PRKCA: variants seen among roughly 807,000 people sequenced by gnomAD.
PRKCA encodes protein kinase C alpha.
A neutral mutation model predicts 87.0 loss-of-function variants in PRKCA; 27 were observed. The ratio of observed to expected loss-of-function variants is 0.31; its 90% CI spans 0.23 to 0.43. The LOEUF is 0.43. Among genes scored for constraint, PRKCA ranks in the 20% least tolerant of loss-of-function variants. The pLI, the probability that PRKCA is intolerant of heterozygous loss-of-function variation, is 1.00. For missense variants in PRKCA, 518 were observed against 852.3 expected (o/e 0.61, Z 4.88); for synonymous variants, 329 against 311.1 (o/e 1.06, Z -0.61).
intron 13 of PRKCA, among the ~76,000 whole-genome samples, chr17:66,764,000 C>A (rs1290638126): frequency 6.6e-6 from 1 of 152,166 alleles, no homozygotes; most frequent in Admixed American, 6.5e-5. Flanking sequence ...GTCTAGGGAA[C>A]CCCACTGGAT....
chr17:66,545,466 T>G (rs1029620054), intron 3 of PRKCA, among the ~76,000 whole-genome samples: 6 of 152,326 alleles, frequency 3.9e-5, no homozygotes, highest in African/African-American at 7.2e-5. Flanking sequence ...TGTATGACTT[T>G]ACTTTAAAAA....
intron 3 of PRKCA, among the ~76,000 whole-genome samples, chr17:66,497,715 T>C (rs1916538760): frequency 6.6e-6 from 1 of 152,228 alleles, no homozygotes; most frequent in South Asian, 2.1e-4. Flanking sequence ...TTCCCATCTT[T>C]AATGCCTGTT....
At chr17:66,417,414 G>A (rs1326989533) in intron 2 of PRKCA, among the ~76,000 whole-genome samples, 1 of 152,072 alleles carries the variant, frequency 6.6e-6, no homozygotes. Context: ...GTCTTTGCCT[G>A]GATTATCATC....
intron 14 of PRKCA, among the ~76,000 whole-genome samples, chr17:66,786,019 G>A (rs866778234): frequency 6.6e-5 from 10 of 152,100 alleles, no homozygotes; most frequent in South Asian, 4.2e-4. Flanking sequence ...TAGTAGAGAC[G>A]GGGTTTCACC....
At chr17:66,693,087 G>A (rs552256158) in intron 8 of PRKCA, among the ~76,000 whole-genome samples, 2 of 152,332 alleles carry the variant, frequency 1.3e-5, no homozygotes, top group African/African-American at 2.4e-5. Context: ...GTATTCATTC[G>A]ATAATTAGGT....
intron 2 of PRKCA, among the ~76,000 whole-genome samples, chr17:66,422,505 G>A (rs1912549363): frequency 6.6e-6 from 1 of 152,160 alleles, no homozygotes; most frequent in African/African-American, 2.4e-5. Flanking sequence ...ATAAAGGAAT[G>A]CCCTGAAGAC....
intron 8 of PRKCA, among the ~76,000 whole-genome samples, chr17:66,707,167 C>T (rs1157070099): frequency 6.6e-6 from 1 of 152,142 alleles, no homozygotes; most frequent in South Asian, 2.1e-4. Context: ...TGGAAAGACC[C>T]TCCCTTCTCC....
intron 3 of PRKCA, among the ~76,000 whole-genome samples, chr17:66,516,604 G>C (rs1380040007): frequency 2.6e-5 from 4 of 151,856 alleles, no homozygotes; most frequent in African/African-American, 4.8e-5. Context: ...CTGCACTCCA[G>C]CCTGGGCAAC....
chr17:66,720,560 G>A (rs1016299320), intron 8 of PRKCA, among the ~76,000 whole-genome samples: 1 of 152,210 alleles, frequency 6.6e-6, no homozygotes, highest in Non-Finnish European at 1.5e-5. Flanking sequence ...GTTGCAGTGG[G>A]TGCAGGTAAA....
intron 2 of PRKCA, among the ~76,000 whole-genome samples, chr17:66,412,074 A>G (rs1279099357): frequency 6.6e-6 from 1 of 150,810 alleles, no homozygotes; most frequent in Non-Finnish European, 1.5e-5. Flanking sequence ...ACTTAGTTTA[A>G]TTAATTAATT....
At chr17:66,383,537 A>T (rs1196113266) in intron 2 of PRKCA, among the ~76,000 whole-genome samples, 1 of 152,192 alleles carries the variant, frequency 6.6e-6, no homozygotes, top group Non-Finnish European at 1.5e-5. Flanking sequence ...TTTCTGTTTA[A>T]CAAAGGCTCT....
At position 66,689,992 on chromosome 17, in the gene PRKCA, T is replaced by C. The variant is rs1218170871; in HGVS notation, c.918+945T>C. ...ACTGCTACTGAAATGTTGACACTAA[T>C]GGGATGCTGATGCTCCTCTTTTCCT... On this transcript the variant is annotated intron_variant, in intron 8 of 16. Transcript: ENST00000413366. This position sits in a 1 kb window ranked among gnomAD's most constrained non-coding sequence, Gnocchi z 4.1. Among the ~76,000 whole-genome samples, 1 of 152,008 alleles carries C rather than the reference T, an allele frequency of 6.6e-6. No homozygotes were observed. Among genetic ancestry groups the C allele is most frequent in the Admixed American group, 6.5e-5 (1 of 15,268 alleles).
intron 2 of PRKCA, among the ~76,000 whole-genome samples, chr17:66,326,926 G>A (rs1163585186): frequency 6.6e-6 from 1 of 152,112 alleles, no homozygotes; most frequent in African/African-American, 2.4e-5. Context: ...AAAATCACCA[G>A]GCATGGTGGC....
chr17:66,720,646 C>G (rs917969907), intron 8 of PRKCA, among the ~76,000 whole-genome samples: 4 of 152,160 alleles, frequency 2.6e-5, no homozygotes, highest in African/African-American at 9.7e-5. Context: ...GTTAACCATG[C>G]CCTGTTACAT....
At chr17:66,787,130 A>G (rs762734863) in intron 15 of PRKCA, 156 bp downstream of exon 15, 3 of 783,756 alleles carry the variant, frequency 3.8e-6, no homozygotes, top group Admixed American at 1.7e-5. Context: ...ATGCCCCAAG[A>G]TAACCAGCAC....
intron 3 of PRKCA, among the ~76,000 whole-genome samples, chr17:66,593,763 T>C (rs918159464): frequency 4.6e-5 from 7 of 152,196 alleles, no homozygotes; most frequent in Non-Finnish European, 1.0e-4. Flanking sequence ...AGGGCAAAGA[T>C]TCAGGCAGAC....
chr17:66,694,265 G>A (rs1972860756), intron 8 of PRKCA, among the ~76,000 whole-genome samples: 2 of 151,960 alleles, frequency 1.3e-5, no homozygotes, highest in Admixed American at 1.3e-4. Context: ...GCTGGATCAC[G>A]AGGTCAAGAG....
At position 66,732,802 on chromosome 17, in the gene PRKCA, T is replaced by A; in HGVS notation, c.1033T>A (p.Leu345Met). The A allele has an allele frequency of 6.2e-7, 1 of 1,614,044 alleles. No homozygotes were observed. Among genetic ancestry groups the A allele is most frequent in the South Asian group, 1.1e-5 (1 of 91,042 alleles). The change falls in exon 9 of 17, where the codon TTG (leucine) becomes ATG (methionine). Residue 345 changes from leucine (L) to methionine (M), a missense_variant. This residue lies in a region of PRKCA where 300 missense variants were observed against 496.8 expected (regional missense o/e 0.60). Transcript: ENST00000413366. ...KLTDFNFLMV[L>M]GKGSFGKVML... ...CACGGACTTCAATTTCCTCATGGTGTTGGGAAAGGGGAGTTTTGGAAAGGT... is the reference window on the plus strand; with the variant it reads ...CACGGACTTCAATTTCCTCATGGTGATGGGAAAGGGGAGTTTTGGAAAGGT...
chr17:66,500,170 G>T (rs1389566374), intron 3 of PRKCA, among the ~76,000 whole-genome samples: 1 of 152,176 alleles, frequency 6.6e-6, no homozygotes, highest in South Asian at 2.1e-4. Context: ...AGCCCAGCTG[G>T]TGCCAGATAC....
Sources: gnomAD v4.1 joint callset for allele counts (sites outside exome capture counted in the v4.1 genomes callset) on GRCh38, gnomAD v4.1.1 for gene constraint, gnomAD v4.1.1 regional missense constraint, Gnocchi (gnomAD v3.1) non-coding constraint, MANE v1.5 for transcripts, NCBI Gene and HGNC (gene_info 2026-07-23, HGNC 2026-07-21) for gene names.